Variants in CELF2 observed in about 807,000 individuals in gnomAD.
CELF2 encodes the protein CUGBP Elav-like family member 2.
CELF2 carries 8 observed loss-of-function variants against 62.6 expected under a neutral mutation model. The ratio of observed to expected loss-of-function variants is 0.13; its 90% CI spans 0.07 to 0.23. CELF2 has a LOEUF of 0.23. CELF2 is among the 10% of genes least tolerant of loss of function. CELF2 has a pLI of 1.00. For synonymous variants in CELF2, 258 were observed against 250.0 expected (o/e 1.03, Z -0.30); for missense variants, 333 against 671.0 (o/e 0.50, Z 5.56).
intron 1 of CELF2, among the ~76,000 whole-genome samples, chr10:10,889,647 G>GTGCA (rs1234417488): frequency 6.6e-6 from 1 of 152,200 alleles, no homozygotes; most frequent in African/African-American, 2.4e-5. Context: ...ATGAGCAAAT[G>GTGCA]TGCAGATCTA....
chr10:10,828,930 A>G (rs1366191537), intron 1 of CELF2, among the ~76,000 whole-genome samples: 4 of 152,366 alleles, frequency 2.6e-5, no homozygotes, highest in Non-Finnish European at 5.9e-5. Context: ...AAGTAGCAAC[A>G]CTTGCTGCAA....
intron 1 of CELF2, among the ~76,000 whole-genome samples, chr10:11,141,842 G>A (rs1235683387): frequency 6.6e-6 from 1 of 152,218 alleles, no homozygotes; most frequent in Admixed American, 6.5e-5. Flanking sequence ...TCAATAGCGT[G>A]CACAGTAGTT....
At chr10:10,605,805 C>A in the CELF2 span, among the ~76,000 whole-genome samples, 1 of 152,204 alleles carries the variant, frequency 6.6e-6, no homozygotes, top group Non-Finnish European at 1.5e-5. Flanking sequence ...GCCAGGCATG[C>A]TTTTGGGAGG....
At chr10:10,577,995 G>T in the CELF2 span, among the ~76,000 whole-genome samples, 1 of 152,112 alleles carries the variant, frequency 6.6e-6, no homozygotes, top group Non-Finnish European at 1.5e-5. Flanking sequence ...AAGTGTTCCT[G>T]TTTCTCCACA....
At chr10:10,680,444 C>T in the CELF2 span, among the ~76,000 whole-genome samples, 1 of 152,192 alleles carries the variant, frequency 6.6e-6, no homozygotes, top group African/African-American at 2.4e-5. Flanking sequence ...AAGAGCGAGG[C>T]TTCTAGTAAT....
At chr10:10,834,354 A>G (rs1357332413) in intron 1 of CELF2, among the ~76,000 whole-genome samples, 3 of 152,104 alleles carry the variant, frequency 2.0e-5, no homozygotes, top group East Asian at 3.9e-4. Flanking sequence ...AAAATAACTA[A>G]TGGGTACCGG....
At chr10:10,783,496 A>T in the CELF2 span, among the ~76,000 whole-genome samples, 1 of 152,180 alleles carries the variant, frequency 6.6e-6, no homozygotes, top group South Asian at 2.1e-4. Flanking sequence ...CGACACCATG[A>T]TCTTAGACTT....
At chr10:10,785,447 C>T in the CELF2 span, among the ~76,000 whole-genome samples, 1 of 152,124 alleles carries the variant, frequency 6.6e-6, no homozygotes. Context: ...GCTCAATTCA[C>T]AATAGCCAAG....
At chr10:10,752,126 G>A in the CELF2 span, among the ~76,000 whole-genome samples, 3 of 152,284 alleles carry the variant, frequency 2.0e-5, no homozygotes, top group South Asian at 6.2e-4. Flanking sequence ...TTCACAGCAG[G>A]GCATGGACCA....
chr10:10,722,810 A>G, the CELF2 span, among the ~76,000 whole-genome samples: 1 of 152,150 alleles, frequency 6.6e-6, no homozygotes, highest in African/African-American at 2.4e-5. Flanking sequence ...CCAGAAGCTG[A>G]CTGTAGCATT....
At chr10:10,592,788 A>T in the CELF2 span, among the ~76,000 whole-genome samples, 2 of 152,058 alleles carry the variant, frequency 1.3e-5, no homozygotes, top group African/African-American at 4.8e-5. Context: ...TTGGGGGTAA[A>T]AGGGAAGAAA....
chr10:10,527,155 A>T, the CELF2 span, among the ~76,000 whole-genome samples: 3 of 152,186 alleles, frequency 2.0e-5, no homozygotes, highest in African/African-American at 7.2e-5. Context: ...TTAATTAACC[A>T]TGCTGGCTCT....
At chr10:10,572,204 G>C in the CELF2 span, among the ~76,000 whole-genome samples, 1 of 151,896 alleles carries the variant, frequency 6.6e-6, no homozygotes, top group East Asian at 1.9e-4. Context: ...AGGGAATTCA[G>C]ACTTTTTTTT....
At chr10:10,832,857 A>T (rs375430324) in intron 1 of CELF2, among the ~76,000 whole-genome samples, 4 of 152,184 alleles carry the variant, frequency 2.6e-5, no homozygotes, top group African/African-American at 4.8e-5. Flanking sequence ...TTGGCCTATC[A>T]CCACAAACAG....
At chr10:10,975,947 G>A (rs892739049) in intron 2 of CELF2, among the ~76,000 whole-genome samples, 9 of 152,188 alleles carry the variant, frequency 5.9e-5, no homozygotes, top group African/African-American at 2.2e-4. Context: ...CAAATTAAGG[G>A]GTGGGTCAAT....
chr10:11,186,095 G>T (rs1224812272), intron 2 of CELF2, among the ~76,000 whole-genome samples: 5 of 152,038 alleles, frequency 3.3e-5, no homozygotes, highest in Admixed American at 6.6e-5. Context: ...ACCCTACGTG[G>T]TCAAGTTTAT....
the CELF2 span, among the ~76,000 whole-genome samples, chr10:10,669,766 G>T: frequency 1.3e-5 from 2 of 152,128 alleles, no homozygotes; most frequent in African/African-American, 4.8e-5. Flanking sequence ...ATATTCACAA[G>T]ATATTATTCC....
intron 2 of CELF2, among the ~76,000 whole-genome samples, chr10:11,190,303 G>A (rs1172776521): frequency 6.7e-6 from 1 of 148,500 alleles, no homozygotes; most frequent in African/African-American, 2.4e-5. Flanking sequence ...CATCAAATTA[G>A]GTATTGATGA....
chr10:10,767,046 G>A, the CELF2 span, among the ~76,000 whole-genome samples: 1 of 152,182 alleles, frequency 6.6e-6, no homozygotes, highest in East Asian at 1.9e-4. Flanking sequence ...TATGGAGTTA[G>A]GACATTTTCC....
Sources: allele counts gnomAD v4.1 joint callset (sites outside exome capture counted in the v4.1 genomes callset), GRCh38; gene constraint gnomAD v4.1.1; transcripts MANE v1.5; gene names NCBI Gene and HGNC (gene_info 2026-07-23, HGNC 2026-07-21).